The following WDFY3 variants were observed in gnomAD, a reference collection of about 807,000 sequenced individuals.
The protein encoded by WDFY3 is WD repeat and FYVE domain containing 3.
In WDFY3, 66 loss-of-function variants were observed where a neutral mutation model predicts 409.6. The ratio of observed to expected loss-of-function variants is 0.16; its 90% CI spans 0.13 to 0.20. The LOEUF (loss-of-function observed/expected upper bound fraction) is 0.20. WDFY3 is among the 10% of genes least tolerant of loss of function. WDFY3 has a pLI of 1.00. For missense variants in WDFY3, 3,031 were observed against 4,298.1 expected (o/e 0.71, Z 8.24); for synonymous variants, 1,521 against 1,537.1 (o/e 0.99, Z 0.25).
At chr4:84,731,562 T>C (rs1560616784) in intron 44 of WDFY3, among the ~76,000 whole-genome samples, 1 of 152,196 alleles carries the variant, frequency 6.6e-6, no homozygotes, top group Non-Finnish European at 1.5e-5. Context: ...TATTTTCCAA[T>C]ATGTAACCCA....
chr4:84,724,398 T>C, intron 46 of WDFY3, 28 bp downstream of exon 46: 3 of 1,580,248 alleles, frequency 1.9e-6, no homozygotes, highest in Non-Finnish European at 2.6e-6. Flanking sequence ...AAAATCACTT[T>C]TAATCAAAAT....
chr4:84,885,843 G>A (rs903824439), intron 3 of WDFY3, among the ~76,000 whole-genome samples: 2 of 151,960 alleles, frequency 1.3e-5, no homozygotes, highest in African/African-American at 2.4e-5. Context: ...ATTTTGCATC[G>A]TTTGGAATCT....
chr4:84,942,195 C>T (rs1772231381), intron 1 of WDFY3, among the ~76,000 whole-genome samples: 1 of 151,836 alleles, frequency 6.6e-6, no homozygotes. Context: ...AAAAAATGGG[C>T]AAAGTGGACA....
chr4:84,807,517 T>C (rs1192520546), intron 15 of WDFY3, among the ~76,000 whole-genome samples: 3 of 152,274 alleles, frequency 2.0e-5, no homozygotes, highest in East Asian at 1.9e-4. Flanking sequence ...AACAACAATA[T>C]AGCAGAACCT....
intron 33 of WDFY3, among the ~76,000 whole-genome samples, chr4:84,756,545 A>C (rs1447859841): frequency 1.3e-5 from 2 of 151,814 alleles, no homozygotes; most frequent in African/African-American, 4.8e-5. Context: ...AGATCATGCC[A>C]CTGCACTCTA....
chr4:84,826,648 G>T (rs1754907683), intron 10 of WDFY3, among the ~76,000 whole-genome samples, 167 bp downstream of exon 10: 1 of 151,440 alleles, frequency 6.6e-6, no homozygotes, highest in African/African-American at 2.4e-5. Flanking sequence ...TAGATTAAAG[G>T]TTATTACTTA....
chr4:84,765,895 G>A lies in WDFY3; in HGVS notation c.5103C>T (p.Leu1701=). The A allele has an allele frequency of 6.2e-7, 1 of 1,613,904 alleles. No individual in the cohort carries two copies. The highest frequency in any genetic ancestry group is 8.5e-7 in the Non-Finnish European group (1 of 1,179,918). Residue 1701 remains leucine, a synonymous_variant, in exon 32 of 68, where the codon CTC becomes CTT. Transcript: ENST00000295888. ...CACTGAGTCCTTCTTTAAACTTGAT[G>A]AGAATAGACTGATTACTTAGTAGGA... ...LVVLLSNQSI[L]IKFKEGLSGG...
intron 58 of WDFY3, 42 bp from the exon 59 acceptor site, chr4:84,693,074 C>G (rs1359221166): frequency 1.3e-6 from 2 of 1,580,376 alleles, no homozygotes; most frequent in Non-Finnish European, 1.7e-6. Flanking sequence ...TGAAAGATAA[C>G]ACTTATAAGC....
At chr4:84,792,859 A>G (rs1748750593) in intron 21 of WDFY3, among the ~76,000 whole-genome samples, 1 of 152,122 alleles carries the variant, frequency 6.6e-6, no homozygotes, top group Admixed American at 6.5e-5. Context: ...TCATGCATTT[A>G]TAAGTTTACA....
intron 1 of WDFY3, among the ~76,000 whole-genome samples, chr4:84,936,981 T>G (rs997438370): frequency 2.0e-5 from 3 of 152,076 alleles, no homozygotes; most frequent in African/African-American, 4.8e-5. Context: ...GCAAAATCAC[T>G]GGCAAATACA....
chr4:84,715,616 A>T (rs1027699576), intron 49 of WDFY3, among the ~76,000 whole-genome samples: 1 of 151,818 alleles, frequency 6.6e-6, no homozygotes, highest in Non-Finnish European at 1.5e-5. Flanking sequence ...CTACTAAAAA[A>T]TACAAAAAAT....
rs894921537 is a variant in WDFY3 at position 84,966,257 on chromosome 4, C to G, written c.-274G>C. The G allele has an allele frequency of 1.3e-5, 2 of 150,376 alleles. No individual in the cohort carries two copies. Among genetic ancestry groups the G allele is most frequent in the Non-Finnish European group, 3.0e-5 (2 of 67,570 alleles). The allele number at this position is 150,376 out of a possible 1,614,324, so 9.3% of individuals were successfully genotyped here. ...GCGGGACAGGCCCAGGAGACGGGAC[C>G]GCGGCGGGCCGGGGCTCCGCGCCGA... On this transcript the variant is annotated 5_prime_UTR_variant, in exon 1 of 68. Transcript: ENST00000295888.
In WDFY3 at chr4:84,711,223, G is replaced by A. The variant is rs185842567; in HGVS notation, c.8043-1876C>T. Among the ~76,000 whole-genome samples the A allele has an allele frequency of 2.1e-3, 322 of 152,268 alleles. 2 individuals are homozygous for A. The highest frequency in any genetic ancestry group is 8.2e-4 in the African/African-American group (34 of 41,550). On this transcript the variant is annotated intron_variant, in intron 51 of 67. Coordinates refer to ENST00000295888, the MANE Select transcript of WDFY3 (RefSeq NM_014991.6). ...ATGGCTGTGTTACCTAGAAGGCCTCGCTAAGATGAAGCACAGCTATAAGGA... is the reference window on the plus strand; with the variant it reads ...ATGGCTGTGTTACCTAGAAGGCCTCACTAAGATGAAGCACAGCTATAAGGA...
chr4:84,728,643 T>C (rs561579086), intron 44 of WDFY3, among the ~76,000 whole-genome samples: 2 of 152,116 alleles, frequency 1.3e-5, no homozygotes, highest in Non-Finnish European at 1.5e-5. Flanking sequence ...CTATATATAC[T>C]CCCAGCCAGG....
chr4:84,676,876 G>T (rs1272597339), intron 67 of WDFY3, among the ~76,000 whole-genome samples: 1 of 152,128 alleles, frequency 6.6e-6, no homozygotes, highest in Admixed American at 6.5e-5. Context: ...GGGTGTGATT[G>T]GTGAAAGGTG....
chr4:84,686,739 T>G (rs1394958881), intron 62 of WDFY3, among the ~76,000 whole-genome samples: 2 of 152,160 alleles, frequency 1.3e-5, no homozygotes, highest in Non-Finnish European at 2.9e-5. Context: ...AAGACGGATT[T>G]GTATATGGGG....
chr4:84,850,103 T>A, intron 4 of WDFY3, 78 bp from the exon 5 acceptor site: 1 of 1,468,806 alleles, frequency 6.8e-7, no homozygotes, highest in Middle Eastern at 2.2e-4. Context: ...AAGTGTGGTA[T>A]GACTTGAAAA....
At chr4:84,740,146 A>C in intron 39 of WDFY3, 41 bp downstream of exon 39, 3 of 1,600,734 alleles carry the variant, frequency 1.9e-6, no homozygotes, top group Non-Finnish European at 2.6e-6. Flanking sequence ...AATAACATCA[A>C]AGCCAAATTT....
chr4:84,684,827 G>C (rs1728019400), intron 62 of WDFY3, among the ~76,000 whole-genome samples: 1 of 152,112 alleles, frequency 6.6e-6, no homozygotes, highest in Non-Finnish European at 1.5e-5. Context: ...ACCAGGCTGG[G>C]CTCTACCTAA....
Sources: allele counts gnomAD v4.1 joint callset (sites outside exome capture counted in the v4.1 genomes callset), GRCh38; gene constraint gnomAD v4.1.1; transcripts MANE v1.5; gene names NCBI Gene and HGNC (gene_info 2026-07-23, HGNC 2026-07-21).